Variants in PSPH observed in about 807,000 individuals in gnomAD.
PSPH encodes L-3-phosphoserine phosphatase.
In PSPH, 16 loss-of-function variants were observed where a neutral mutation model predicts 23.4. The ratio of observed to expected loss-of-function variants is 0.68; its 90% confidence interval spans 0.46 to 1.04. The LOEUF is 1.04. Ranked by LOEUF, PSPH falls within the 50% of genes least tolerant of loss-of-function variation. PSPH has a pLI of 0.00. For synonymous variants in PSPH, 68 were observed against 99.7 expected (o/e 0.68, Z 1.89); for missense variants, 223 against 273.7 (o/e 0.81, Z 1.31).
intron 7 of PSPH, among the ~76,000 whole-genome samples, chr7:56,012,255 C>A (rs776344627): frequency 6.6e-6 from 1 of 151,576 alleles, no homozygotes; most frequent in Non-Finnish European, 1.5e-5. Context: ...GCAGTGGCAC[C>A]GTCATGGCTC....
At chr7:56,050,263 G>A (rs1391853852) in intron 1 of PSPH, among the ~76,000 whole-genome samples, 1 of 151,930 alleles carries the variant, frequency 6.6e-6, no homozygotes, top group Non-Finnish European at 1.5e-5. Flanking sequence ...GTAGGTGACC[G>A]GTTAGTTGTG....
Position 56,019,603 on chromosome 7 carries a change from A to G in PSPH, c.272T>C (p.Ile91Thr). The change falls in exon 5 of 8, where the codon ATA becomes ACA. Residue 91 changes from isoleucine (I) to threonine (T), a missense_variant. Ile to Thr is a moderately conservative substitution (Grantham distance 89, BLOSUM62 -1). Coordinates refer to ENST00000275605, the MANE Select transcript of PSPH (RefSeq NM_004577.4). Reference sequence around the variant, plus strand: ...CTGGAGCCGGGGTTCCTCTTACCTTATGCCGGGGGTCAGGTGTGGGGGTTG... The same window carrying G: ...CTGGAGCCGGGGTTCCTCTTACCTTGTGCCGGGGGTCAGGTGTGGGGGTTG... ...AEQPPHLTPG[I>T]RELVSRLQER... 6.2e-7 allele frequency: 1 copy of G among 1,613,434 alleles called. No individual in the cohort carries two copies. The highest frequency in any genetic ancestry group is 8.5e-7 in the Non-Finnish European group (1 of 1,179,756).
intron 5 of PSPH, among the ~76,000 whole-genome samples, chr7:56,018,333 A>G (rs2116597514): frequency 6.6e-6 from 1 of 151,158 alleles, no homozygotes; most frequent in African/African-American, 2.4e-5. Context: ...ACAGTGCGAG[A>G]CTCTGTCTCA....
rs555260541 is a variant in PSPH at position 56,028,446 on chromosome 7, G to A, written c.-20+3483C>T. On this transcript the variant is annotated intron_variant, in intron 3 of 7. Transcript: ENST00000275605. ...GAGGTCTCACTATGTTACCCAGGCC[G>A]GTCTTGAATTCCTGGCCTCAAATGA... Among the ~76,000 whole-genome samples the A allele has an allele frequency of 2.0e-4, 31 of 152,142 alleles. No individual in the cohort carries two copies. In the South Asian group the frequency reaches 6.0e-3, roughly 30 times the overall value.
chr7:56,018,136 G>T, intron 5 of PSPH, among the ~76,000 whole-genome samples: 1 of 152,018 alleles, frequency 6.6e-6, no homozygotes, highest in Middle Eastern at 3.2e-3. Flanking sequence ...ACGAGCTCAG[G>T]CATTCGAGAC....
intron 1 of PSPH, among the ~76,000 whole-genome samples, chr7:56,041,642 C>T (rs1398970794): frequency 2.0e-5 from 3 of 151,798 alleles, no homozygotes; most frequent in Non-Finnish European, 4.4e-5. Flanking sequence ...CGTGTGAGTG[C>T]GCCGGGCACG....
At position 56,011,386 on chromosome 7, in the gene PSPH, G is replaced by A. The variant is rs1466613639; in HGVS notation, c.*376C>T. 5.6e-5 allele frequency: 9 copies of A among 159,792 alleles called. No homozygotes were observed. Among genetic ancestry groups the A allele is most frequent in the East Asian group, 5.5e-4 (3 of 5,502 alleles). 9.9% of individuals were successfully genotyped at this position (159,792 alleles called of 1,614,324 possible). A position where few individuals can be genotyped will look rare whatever the true frequency, so the allele number is the denominator to read the frequency against. ...CTACTAAAAATACAAAAAATTAGCCGGATGTGGTGGCGGGTGCCTGTAGTC... is the reference window on the plus strand; with the variant it reads ...CTACTAAAAATACAAAAAATTAGCCAGATGTGGTGGCGGGTGCCTGTAGTC... On this transcript the variant is annotated 3_prime_UTR_variant, in exon 8 of 8. Coordinates refer to ENST00000275605, the MANE Select transcript of PSPH (RefSeq NM_004577.4).
rs114879901 is a variant in PSPH at position 56,030,162 on chromosome 7, T to C, written c.-20+1767A>G. The stretch of plus-strand genomic sequence containing the variant: ...TCCTGCTCTGTCACTCAGGCCGGAG[T>C]GCAGTGGTATGATTTTGGCTCACTG... On this transcript the variant is annotated intron_variant, in intron 3 of 7. Transcript: ENST00000275605. 9.1e-3 allele frequency among the ~76,000 whole-genome samples: 1,378 copies of C among 152,084 alleles called. 15 individuals are homozygous for C. The highest frequency in any genetic ancestry group is 0.03 in the African/African-American group (1,256 of 41,514).
At chr7:56,038,274 TAAAAATACA>T (rs1344440558) in intron 1 of PSPH, among the ~76,000 whole-genome samples, 1 of 95,042 alleles carries the variant, frequency 1.1e-5, no homozygotes, top group East Asian at 3.0e-4. Context: ...CCGTCTCTAC[TAAAAATACA>T]AAAAATACAA....
intron 1 of PSPH, among the ~76,000 whole-genome samples, chr7:56,046,317 T>A (rs1381603967): frequency 6.6e-6 from 1 of 152,008 alleles, no homozygotes; most frequent in Non-Finnish European, 1.5e-5. Context: ...TGTATTTTTT[T>A]AGTAGAGACG....
chr7:56,030,008 A>C (rs898629763), intron 3 of PSPH, among the ~76,000 whole-genome samples: 1 of 151,090 alleles, frequency 6.6e-6, no homozygotes, highest in Non-Finnish European at 1.5e-5. Context: ...AAAAAAAAAG[A>C]ATACACAGTA....
At chr7:56,043,491 A>AAAATAAATAAAT (rs535108883) in intron 1 of PSPH, among the ~76,000 whole-genome samples, 2 of 151,600 alleles carry the variant, frequency 1.3e-5, no homozygotes, top group African/African-American at 2.4e-5. Flanking sequence ...CATATCTCTA[A>AAAATAAATAAAT]AAATAAATAA....
chr7:56,036,603 T>C (rs1251675763), intron 1 of PSPH, among the ~76,000 whole-genome samples: 1 of 151,268 alleles, frequency 6.6e-6, no homozygotes, highest in African/African-American at 2.4e-5. Context: ...TACTCCAGTC[T>C]GGGTAACAGA....
chr7:56,040,357 T>C (rs1792358857), intron 1 of PSPH, among the ~76,000 whole-genome samples: 1 of 149,398 alleles, frequency 6.7e-6, no homozygotes, highest in African/African-American at 2.5e-5. Context: ...TATATATCTA[T>C]ATAAAAAAGG....
intron 3 of PSPH, among the ~76,000 whole-genome samples, chr7:56,031,062 T>G: frequency 6.8e-6 from 1 of 147,636 alleles, no homozygotes. Flanking sequence ...ATATAAAAAA[T>G]TAGCCGGGCG....
chr7:56,022,055 T>C (rs1192477209), intron 3 of PSPH, among the ~76,000 whole-genome samples: 1 of 151,266 alleles, frequency 6.6e-6, no homozygotes, highest in Admixed American at 6.6e-5. Flanking sequence ...CTGGGCACAG[T>C]GGCTCATCCC....
chr7:56,012,350 C>T (rs1237965594), intron 7 of PSPH, among the ~76,000 whole-genome samples: 1 of 152,002 alleles, frequency 6.6e-6, no homozygotes, highest in Non-Finnish European at 1.5e-5. Flanking sequence ...CACCACAATC[C>T]CTGAATAAAT....
intron 6 of PSPH, 135 bp from the exon 7 acceptor site, chr7:56,015,306 T>G: frequency 1.1e-6 from 1 of 882,078 alleles, no homozygotes; most frequent in Non-Finnish European, 1.9e-6. Context: ...TCACACAGCC[T>G]GGAGCTCCAC....
At chr7:56,017,414 T>C (rs767713406) in intron 5 of PSPH, 35 bp from the exon 6 acceptor site, 6 of 956,316 alleles carry the variant, frequency 6.3e-6, no homozygotes, top group Non-Finnish European at 8.2e-6. Context: ...CAACACTGAG[T>C]AATACAAAAG....
Sources: gnomAD v4.1 joint callset for allele counts (sites outside exome capture counted in the v4.1 genomes callset) on GRCh38, gnomAD v4.1.1 for gene constraint, MANE v1.5 for transcripts, NCBI Gene and HGNC (gene_info 2026-07-23, HGNC 2026-07-21) for gene names.